TENM1: variants seen among roughly 807,000 people sequenced by gnomAD.
TENM1 encodes teneurin-1.
In TENM1, 35 loss-of-function variants were observed where a neutral mutation model predicts 174.8. That is an observed-to-expected ratio of 0.20 (90% CI 0.15 to 0.27). The LOEUF is 0.27. TENM1 is among the 10% of genes least tolerant of loss of function. The pLI is 1.00. For missense variants in TENM1, 1,633 were observed against 2,130.1 expected (o/e 0.77, Z 4.59); for synonymous variants, 781 against 798.7 (o/e 0.98, Z 0.37).
intron 4 of TENM1, among the ~76,000 whole-genome samples, chrX:124,705,607 G>T (rs2052882630): frequency 9.0e-6 from 1 of 111,245 alleles, no homozygotes; most frequent in Non-Finnish European, 1.9e-5. Context: ...GCATCATTAG[G>T]CATTTTGATC....
rs776544734 is a variant in TENM1 at position 124,561,783 on chromosome X, T to C, written c.2322A>G (p.Arg774=). Residue 774 remains arginine (R), a synonymous_variant, in exon 14 of 32, where the codon CGA becomes CGG. Transcript: ENST00000422452. ...GCCAACCATTTTGATCCAGGGTACA[T>C]CGTCCATTTCCAAAGCAGAGCCCTG... The C allele has an allele frequency of 3.8e-5, 46 of 1,209,186 alleles. No individual in the cohort carries two copies. Among genetic ancestry groups the C allele is most frequent in the Non-Finnish European group, 4.9e-5 (44 of 894,776 alleles).
At chrX:124,583,788 A>C (rs775788628) in intron 11 of TENM1, among the ~76,000 whole-genome samples, 1 of 110,361 alleles carries the variant, frequency 9.1e-6, no homozygotes, top group Non-Finnish European at 1.9e-5. Context: ...AAAACTTTGA[A>C]AAAAATTTAG....
chrX:124,741,898 C>T (rs758620581), intron 3 of TENM1, among the ~76,000 whole-genome samples: 2 of 112,139 alleles, frequency 1.8e-5, no homozygotes, highest in Non-Finnish European at 1.9e-5. Flanking sequence ...CATATGCAAA[C>T]GCAAAATTTG....
chrX:124,548,872 A>G (rs1349896474), intron 14 of TENM1, among the ~76,000 whole-genome samples: 1 of 111,627 alleles, frequency 9.0e-6, no homozygotes, highest in East Asian at 2.8e-4. Flanking sequence ...GCACCCAGGA[A>G]ATATTTTTCC....
At chrX:125,100,193 C>A in the TENM1 span, among the ~76,000 whole-genome samples, 5 of 111,532 alleles carry the variant, frequency 4.5e-5, no homozygotes, top group South Asian at 1.1e-3. Context: ...GCAGAATAAT[C>A]AAAAATTAGG....
chrX:124,868,883 C>A (rs953204465), intron 3 of TENM1, among the ~76,000 whole-genome samples: 2 of 110,776 alleles, frequency 1.8e-5, no homozygotes, highest in Non-Finnish European at 3.8e-5. Context: ...TGAAAAGGCT[C>A]AGTATCATTA....
At chrX:124,503,637 A>G in exon 19 of TENM1, 4 of 1,209,046 alleles carry the variant, frequency 3.3e-6, no homozygotes, top group Non-Finnish European at 3.4e-6. Context: ...AAAACCTTGT[A>G]AAACGACTGT....
At chrX:125,053,646 T>C in the TENM1 span, among the ~76,000 whole-genome samples, 1 of 111,762 alleles carries the variant, frequency 8.9e-6, no homozygotes, top group Non-Finnish European at 1.9e-5. Context: ...TTGCCTGCTG[T>C]ATCGTAGGTT....
intron 27 of TENM1, among the ~76,000 whole-genome samples, chrX:124,402,068 G>C (rs1355497209): frequency 8.9e-6 from 1 of 112,031 alleles, no homozygotes; most frequent in Non-Finnish European, 1.9e-5. Flanking sequence ...TGCTAGGTGA[G>C]GACCTGCATT....
intron 5 of TENM1, among the ~76,000 whole-genome samples, chrX:124,672,789 T>C (rs765374394): frequency 9.0e-6 from 1 of 111,694 alleles, no homozygotes; most frequent in Non-Finnish European, 1.9e-5. Flanking sequence ...ATGGGAAATA[T>C]TCATAAGGTA....
chrX:124,587,811 A>G (rs2049583346), intron 11 of TENM1, among the ~76,000 whole-genome samples: 1 of 111,896 alleles, frequency 8.9e-6, no homozygotes, highest in Admixed American at 9.5e-5. Flanking sequence ...GCTAATATCC[A>G]GAATCTACAA....
At chrX:124,701,439 C>CTGA (rs988756417) in intron 5 of TENM1, among the ~76,000 whole-genome samples, 2 of 111,656 alleles carry the variant, frequency 1.8e-5, no homozygotes, top group Admixed American at 1.9e-4. Flanking sequence ...TTCACAACCA[C>CTGA]TGATGAAGTA....
intron 22 of TENM1, among the ~76,000 whole-genome samples, chrX:124,459,000 G>A (rs2061139165): frequency 8.9e-6 from 1 of 112,199 alleles, no homozygotes; most frequent in African/African-American, 3.2e-5. Flanking sequence ...AAACAGACAT[G>A]GCGTTGCTCT....
At chrX:124,392,066 T>G in exon 28 of TENM1, 1 of 1,206,515 alleles carries the variant, frequency 8.3e-7, no homozygotes, top group Non-Finnish European at 1.1e-6. Flanking sequence ...TCTAAGTAGG[T>G]ATAGCTCCAA....
chrX:124,774,765 C>T (rs1170885846), intron 3 of TENM1, among the ~76,000 whole-genome samples: 1 of 111,224 alleles, frequency 9.0e-6, no homozygotes, highest in Non-Finnish European at 1.9e-5. Context: ...ATGGAGGACC[C>T]CTATAATGGG....
intron 3 of TENM1, among the ~76,000 whole-genome samples, chrX:124,844,935 A>G (rs1301963944): frequency 9.0e-6 from 1 of 111,392 alleles, no homozygotes; most frequent in East Asian, 2.8e-4. Context: ...CTACAGATTC[A>G]TAGACCTATC....
At chrX:124,418,358 C>G (rs1470428501) in intron 25 of TENM1, among the ~76,000 whole-genome samples, 2 of 109,219 alleles carry the variant, frequency 1.8e-5, no homozygotes, top group South Asian at 8.4e-4. Flanking sequence ...CATACCACCC[C>G]CCACCCCCCA....
At chrX:124,801,299 G>C (rs2055442746) in intron 3 of TENM1, among the ~76,000 whole-genome samples, 1 of 111,915 alleles carries the variant, frequency 8.9e-6, no homozygotes, top group African/African-American at 3.3e-5. Flanking sequence ...ATACATTTAA[G>C]ATAGTTAGCT....
At chrX:125,089,716 G>A in the TENM1 span, among the ~76,000 whole-genome samples, 1 of 111,644 alleles carries the variant, frequency 9.0e-6, no homozygotes, top group East Asian at 2.8e-4. Flanking sequence ...GGCAGTAGTT[G>A]GGGAAGGGAG....
Sources: gnomAD v4.1 joint callset for allele counts (sites outside exome capture counted in the v4.1 genomes callset) on GRCh38, gnomAD v4.1.1 for gene constraint, MANE v1.5 for transcripts, NCBI Gene and HGNC (gene_info 2026-07-23, HGNC 2026-07-21) for gene names.